DNAH7: variants seen among roughly 807,000 people sequenced by gnomAD.
DNAH7 encodes the protein dynein axonemal heavy chain 7.
A neutral mutation model predicts 444.6 loss-of-function variants in DNAH7; 397 were observed. The ratio of observed to expected loss-of-function variants is 0.89; its 90% CI spans 0.82 to 0.97. DNAH7 has a LOEUF of 0.97. Ranked by LOEUF, DNAH7 falls within the 50% of genes least tolerant of loss-of-function variation. The probability of loss-of-function intolerance (pLI) is 0.00; values close to 1 mark genes in which losing one functional copy is unlikely to be tolerated. For missense variants in DNAH7, 4,902 were observed against 4,800.8 expected (o/e 1.02, Z -0.62); for synonymous variants, 1,636 against 1,624.4 (o/e 1.01, Z -0.17).
At chr2:195,940,171 A>G (rs1012833107) in intron 19 of DNAH7, among the ~76,000 whole-genome samples, 2 of 152,230 alleles carry the variant, frequency 1.3e-5, no homozygotes, top group African/African-American at 2.4e-5. Context: ...GTACCAAAAC[A>G]GATATATAGA....
At chr2:195,850,264 G>C (rs1453274953) in intron 46 of DNAH7, among the ~76,000 whole-genome samples, 2 of 149,554 alleles carry the variant, frequency 1.3e-5, no homozygotes, top group African/African-American at 5.0e-5. Context: ...CTAGATGGTG[G>C]ATTTGCTGGC....
At chr2:195,934,027 A>G (rs1031763205) in intron 21 of DNAH7, among the ~76,000 whole-genome samples, 4 of 152,212 alleles carry the variant, frequency 2.6e-5, no homozygotes, top group African/African-American at 9.6e-5. Context: ...TAAAAAAAAA[A>G]ACTGAGTGCT....
At chr2:195,824,743 A>G (rs1350239180) in intron 48 of DNAH7, among the ~76,000 whole-genome samples, 3 of 152,164 alleles carry the variant, frequency 2.0e-5, no homozygotes, top group Non-Finnish European at 2.9e-5. Context: ...CCCAGGTATT[A>G]TGGCAGTGAA....
intron 1 of DNAH7, among the ~76,000 whole-genome samples, chr2:196,064,380 A>C (rs1324119459): frequency 4.0e-5 from 6 of 151,388 alleles, no homozygotes; most frequent in African/African-American, 1.5e-4. Flanking sequence ...AAAAAGAAAA[A>C]CAAAACCTTC....
intron 5 of DNAH7, among the ~76,000 whole-genome samples, chr2:196,030,692 T>G (rs761304475): frequency 6.6e-6 from 1 of 152,178 alleles, no homozygotes; most frequent in Non-Finnish European, 1.5e-5. Context: ...CAGAGCCCAT[T>G]CAAGTCCGAA....
chr2:195,746,149 G>A (rs1457759757), intron 63 of DNAH7, among the ~76,000 whole-genome samples: 1 of 152,160 alleles, frequency 6.6e-6, no homozygotes, highest in East Asian at 1.9e-4. Context: ...AAGGATGGAG[G>A]AAGATCTACC....
intron 46 of DNAH7, among the ~76,000 whole-genome samples, chr2:195,852,857 T>A (rs892911677): frequency 6.6e-6 from 1 of 151,060 alleles, no homozygotes; most frequent in Non-Finnish European, 1.5e-5. Flanking sequence ...TGAAATGGCT[T>A]GTTATTGAGA....
At chr2:196,044,420 A>C (rs1160546958) in intron 5 of DNAH7, among the ~76,000 whole-genome samples, 1 of 148,968 alleles carries the variant, frequency 6.7e-6, no homozygotes, top group Non-Finnish European at 1.5e-5. Flanking sequence ...GAATGATATC[A>C]TGGACTCTGG....
At chr2:196,063,998 G>A (rs983223450) in intron 1 of DNAH7, 3 of 152,208 alleles carry the variant, frequency 2.0e-5, no homozygotes, top group Admixed American at 6.5e-5. Flanking sequence ...TCAGCTATCT[G>A]GAAGCTCCAA....
intron 21 of DNAH7, among the ~76,000 whole-genome samples, chr2:195,930,598 G>A (rs1688626433): frequency 6.6e-6 from 1 of 152,202 alleles, no homozygotes; most frequent in Non-Finnish European, 1.5e-5. Context: ...TAGTTCAGCT[G>A]CTGTGGAAAG....
chr2:196,000,922 T>C, intron 11 of DNAH7, 39 bp from the exon 12 acceptor site: 2 of 1,499,454 alleles, frequency 1.3e-6, no homozygotes, highest in Non-Finnish European at 1.8e-6. Context: ...TAAATATGTA[T>C]GAATTGTGAC....
intron 10 of DNAH7, among the ~76,000 whole-genome samples, chr2:196,007,231 A>G (rs1694431911): frequency 1.3e-5 from 2 of 152,212 alleles, no homozygotes; most frequent in African/African-American, 4.8e-5. Context: ...CATAAAGACA[A>G]ATAGGCCAAT....
At position 195,756,705 on chromosome 2, in the gene DNAH7, T is replaced by C. The variant is rs4302230; in HGVS notation, c.11434-420A>G. Among the ~76,000 whole-genome samples, 2,894 of 152,090 alleles carry C rather than the reference T, an allele frequency of 0.019. 227 individuals are homozygous for C. The East Asian group carries it at 0.26, about 14-fold the overall frequency. On this transcript the variant is annotated intron_variant, in intron 61 of 64. Coordinates refer to ENST00000312428, the MANE Select transcript of DNAH7 (RefSeq NM_018897.3). ...ATTTTTTACTTTAAAAATTTTTTTG[T>C]ATAGGAAGCCAGGCAAGGTGGCTCA...
intron 51 of DNAH7, among the ~76,000 whole-genome samples, chr2:195,815,202 A>C (rs1450975460): frequency 6.6e-6 from 1 of 152,116 alleles, no homozygotes; most frequent in East Asian, 1.9e-4. Flanking sequence ...AATCCTTGCT[A>C]AACTTGAAAA....
In DNAH7 at chr2:195,787,033, G is replaced by A; in HGVS notation, c.10855C>T (p.His3619Tyr). The A allele has an allele frequency of 6.3e-7, 1 of 1,597,390 alleles. No individual in the cohort carries two copies. Among genetic ancestry groups the A allele is most frequent in the Non-Finnish European group, 8.5e-7 (1 of 1,175,146 alleles). The part of the protein sequence containing the change: ...TDLRISVQQL[H>Y]MFLNQYEELP... ...ACCTCATACTGGTTCAGGAACATGT[G>A]GAGCTGCTGTACGCTGATTCTCAGA... The change falls in exon 58 of 65, where the codon CAC becomes TAC. Residue 3619 changes from histidine (H) to tyrosine (Y), a missense_variant. His to Tyr is a moderately conservative substitution (Grantham distance 83, BLOSUM62 2). Coordinates refer to ENST00000312428, the MANE Select transcript of DNAH7 (RefSeq NM_018897.3).
intron 25 of DNAH7, among the ~76,000 whole-genome samples, chr2:195,908,106 G>T (rs1385646379): frequency 2.0e-5 from 3 of 151,816 alleles, no homozygotes; most frequent in African/African-American, 4.9e-5. Flanking sequence ...AATGAAGACG[G>T]TCATTACATA....
chr2:195,977,322 A>G (rs1185985180), intron 15 of DNAH7, among the ~76,000 whole-genome samples: 4 of 152,228 alleles, frequency 2.6e-5, no homozygotes, highest in Admixed American at 6.5e-5. Flanking sequence ...AAAAGAATCA[A>G]GAAGAAATTC....
chr2:195,946,256 C>A (rs1159250891), intron 19 of DNAH7, among the ~76,000 whole-genome samples: 3 of 152,102 alleles, frequency 2.0e-5, no homozygotes, highest in Non-Finnish European at 4.4e-5. Context: ...ATAACCTAAT[C>A]TTAAAAGTAA....
In DNAH7 at chr2:195,777,824, G is replaced by A. The variant is rs1156442088; in HGVS notation, c.11040C>T (p.Ile3680=). 1 of 1,613,158 alleles carries A rather than the reference G, an allele frequency of 6.2e-7. No individual in the cohort carries two copies. The highest frequency in any genetic ancestry group is 8.5e-7 in the Non-Finnish European group (1 of 1,179,364). The part of the protein sequence containing the change: ...NSDYKFDSSG[I]YFVPPSGDHK... ...CATCACCAGAAGGAGGAACAAAATA[G>A]ATGCCACTTGAGTCGAACTTATAGT... Residue 3680 remains isoleucine (I), a synonymous_variant, in exon 59 of 65, where the codon ATC becomes ATT. Coordinates refer to ENST00000312428, the MANE Select transcript of DNAH7 (RefSeq NM_018897.3).
Sources: gnomAD v4.1 joint callset for allele counts (sites outside exome capture counted in the v4.1 genomes callset) on GRCh38, gnomAD v4.1.1 for gene constraint, MANE v1.5 for transcripts, NCBI Gene and HGNC (gene_info 2026-07-23, HGNC 2026-07-21) for gene names.